Variants in RBFOX1 observed in about 807,000 individuals in gnomAD.
RBFOX1 encodes the protein RNA binding protein fox-1 homolog 1.
Under a neutral mutation model 57.7 loss-of-function variants are expected in RBFOX1, and 8 were observed. That is an observed-to-expected ratio of 0.14 (90% CI 0.08 to 0.25). The LOEUF (loss-of-function observed/expected upper bound fraction) is 0.25. Among genes scored for constraint, RBFOX1 ranks in the 10% least tolerant of loss-of-function variants. The probability of loss-of-function intolerance (pLI) is 1.00; values close to 1 mark genes in which losing one functional copy is unlikely to be tolerated. For missense variants in RBFOX1, 611 were observed against 548.5 expected (o/e 1.11, Z -1.14); for synonymous variants, 326 against 222.4 (o/e 1.47, Z -4.15).
chr16:6,407,267 T>G (rs193110768), intron 2 of RBFOX1, among the ~76,000 whole-genome samples: 3 of 152,274 alleles, frequency 2.0e-5, no homozygotes, highest in African/African-American at 7.2e-5. Context: ...GCTATGGATT[T>G]GCCTATGTCC....
At chr16:7,655,433 T>G in intron 12 of RBFOX1, among the ~76,000 whole-genome samples, 1 of 152,230 alleles carries the variant, frequency 6.6e-6, no homozygotes, top group East Asian at 1.9e-4. Flanking sequence ...ATGAACTGGC[T>G]ATAAATTCTC....
intron 1 of RBFOX1, among the ~76,000 whole-genome samples, chr16:5,341,153 G>T (rs1472798279): frequency 6.6e-6 from 1 of 152,142 alleles, no homozygotes; most frequent in South Asian, 2.1e-4. Flanking sequence ...GGATGAGTAA[G>T]GGGGGAGTAG....
intron 3 of RBFOX1, among the ~76,000 whole-genome samples, chr16:6,809,131 A>G (rs2087739514): frequency 6.6e-6 from 1 of 152,210 alleles, no homozygotes; most frequent in Non-Finnish European, 1.5e-5. Flanking sequence ...TCACCAGTTC[A>G]GCTGTTTGTG....
intron 3 of RBFOX1, among the ~76,000 whole-genome samples, chr16:6,800,197 T>A (rs1465263456): frequency 6.9e-6 from 1 of 145,854 alleles, no homozygotes; most frequent in Non-Finnish European, 1.5e-5. Flanking sequence ...TGAAAACAAG[T>A]CTTGCTGTTT....
chr16:5,888,083 C>A (rs1184223819), intron 4 of RBFOX1, among the ~76,000 whole-genome samples: 1 of 152,188 alleles, frequency 6.6e-6, no homozygotes, highest in African/African-American at 2.4e-5. Context: ...TGTGTTCCTG[C>A]TGGCCTCACC....
At chr16:7,112,272 G>A (rs758587370) in intron 4 of RBFOX1, among the ~76,000 whole-genome samples, 4 of 151,868 alleles carry the variant, frequency 2.6e-5, no homozygotes, top group Admixed American at 6.6e-5. Context: ...GTGCAATCTC[G>A]GCTCACTGCA....
intron 3 of RBFOX1, among the ~76,000 whole-genome samples, chr16:6,828,630 A>C (rs1020199001): frequency 2.6e-5 from 4 of 152,078 alleles, no homozygotes; most frequent in African/African-American, 7.2e-5. Flanking sequence ...AGTGGACCCA[A>C]CATGGTGCTG....
chr16:6,861,303 C>T (rs1002879498), intron 3 of RBFOX1, among the ~76,000 whole-genome samples: 1 of 152,110 alleles, frequency 6.6e-6, no homozygotes, highest in Non-Finnish European at 1.5e-5. Context: ...AACAAGGTCC[C>T]TTTCGAGTGC....
chr16:6,985,852 A>ATTTTTTTTTTT (rs137915101), intron 3 of RBFOX1, among the ~76,000 whole-genome samples: 1 of 135,638 alleles, frequency 7.4e-6, no homozygotes, highest in Admixed American at 7.7e-5. Context: ...AAAAAACAGA[A>ATTTTTTTTTTT]TTTTTTTTTC....
At chr16:7,065,661 A>T (rs979443301) in intron 4 of RBFOX1, among the ~76,000 whole-genome samples, 1 of 152,206 alleles carries the variant, frequency 6.6e-6, no homozygotes, top group African/African-American at 2.4e-5. Context: ...TAGGGTAAGA[A>T]TACTTAAAAT....
At chr16:5,692,875 G>C (rs2050732683) in intron 3 of RBFOX1, among the ~76,000 whole-genome samples, 1 of 152,182 alleles carries the variant, frequency 6.6e-6, no homozygotes, top group South Asian at 2.1e-4. Context: ...TGAACAAAGA[G>C]GTATCAAAGG....
intron 2 of RBFOX1, among the ~76,000 whole-genome samples, chr16:6,588,394 T>C (rs1383104556): frequency 2.0e-5 from 3 of 152,156 alleles, no homozygotes; most frequent in Non-Finnish European, 4.4e-5. Flanking sequence ...GGCTCACGCC[T>C]GTAATCCCAG....
intron 2 of RBFOX1, among the ~76,000 whole-genome samples, chr16:5,589,869 A>G (rs2046949870): frequency 6.6e-6 from 1 of 151,998 alleles, no homozygotes; most frequent in Non-Finnish European, 1.5e-5. Flanking sequence ...TGGCCTGCAG[A>G]GGGTTGCTTT....
intron 2 of RBFOX1, among the ~76,000 whole-genome samples, chr16:6,344,736 G>T (rs1354998022): frequency 2.2e-5 from 3 of 135,350 alleles, no homozygotes; most frequent in African/African-American, 8.7e-5. Flanking sequence ...TGTCGCCAAG[G>T]CTGGAGTGCA....
intron 3 of RBFOX1, among the ~76,000 whole-genome samples, chr16:5,760,292 CA>C (rs2053547605): frequency 6.6e-6 from 1 of 151,930 alleles, no homozygotes; most frequent in African/African-American, 2.4e-5. Flanking sequence ...GTAAACAAGA[CA>C]AAATTTCTTC....
intron 4 of RBFOX1, among the ~76,000 whole-genome samples, chr16:7,124,245 G>A (rs1425257281): frequency 2.6e-5 from 4 of 151,812 alleles, no homozygotes; most frequent in African/African-American, 7.3e-5. Flanking sequence ...ACTAGCCTGG[G>A]CAAAAATATT....
chr16:7,148,985 A>G (rs1176844667), intron 4 of RBFOX1, among the ~76,000 whole-genome samples: 2 of 152,288 alleles, frequency 1.3e-5, no homozygotes, highest in African/African-American at 2.4e-5. Context: ...AAGCCATAGT[A>G]TTTTGCTTCT....
chr16:5,886,449 T>C (rs1464121736), intron 4 of RBFOX1, among the ~76,000 whole-genome samples: 2 of 152,212 alleles, frequency 1.3e-5, no homozygotes, highest in Non-Finnish European at 2.9e-5. Context: ...GGCGTATGAA[T>C]TCTTCTGAAA....
At chr16:6,119,728 C>T (rs986670872) in intron 1 of RBFOX1, among the ~76,000 whole-genome samples, 1 of 152,168 alleles carries the variant, frequency 6.6e-6, no homozygotes, top group Non-Finnish European at 1.5e-5. Context: ...GTTTCAGACT[C>T]GTGACCCTAA....
Sources: gnomAD v4.1 joint callset for allele counts (sites outside exome capture counted in the v4.1 genomes callset) on GRCh38, gnomAD v4.1.1 for gene constraint, MANE v1.5 for transcripts, NCBI Gene and HGNC (gene_info 2026-07-23, HGNC 2026-07-21) for gene names.